PHACTR1: variants seen among roughly 807,000 people sequenced by gnomAD.
PHACTR1 encodes RPEL repeat containing 1.
In PHACTR1, 16 loss-of-function variants were observed where a neutral mutation model predicts 69.2. That is an observed-to-expected ratio of 0.23 (90% CI 0.16 to 0.35). The LOEUF is 0.35. Among genes scored for constraint, PHACTR1 ranks in the 10% least tolerant of loss-of-function variants. The probability of loss-of-function intolerance (pLI) is 1.00; values close to 1 mark genes in which losing one functional copy is unlikely to be tolerated. For synonymous variants in PHACTR1, 312 were observed against 284.5 expected (o/e 1.10, Z -0.97); for missense variants, 510 against 734.7 (o/e 0.69, Z 3.54).
intron 8 of PHACTR1, among the ~76,000 whole-genome samples, chr6:13,210,928 T>G: frequency 6.8e-6 from 1 of 147,638 alleles, no homozygotes. Context: ...TTTTTTTTTT[T>G]TTTTTGCATT....
At chr6:13,240,276 A>G (rs1156649241) in intron 10 of PHACTR1, among the ~76,000 whole-genome samples, 1 of 152,154 alleles carries the variant, frequency 6.6e-6, no homozygotes. Context: ...ATGAAGAGGA[A>G]GCTTCAAAGA....
chr6:12,761,088 C>T (rs1767971806), intron 4 of PHACTR1, among the ~76,000 whole-genome samples: 1 of 152,208 alleles, frequency 6.6e-6, no homozygotes, highest in African/African-American at 2.4e-5. Context: ...AATCATCTCT[C>T]TGAACCTCTG....
At chr6:13,249,821 AT>A (rs1774129334) in intron 10 of PHACTR1, among the ~76,000 whole-genome samples, 1 of 147,836 alleles carries the variant, frequency 6.8e-6, no homozygotes, top group Non-Finnish European at 1.5e-5. Context: ...AAAAAAAAGT[AT>A]GGTGACTAAA....
intron 5 of PHACTR1, among the ~76,000 whole-genome samples, chr6:13,080,936 T>C (rs955241747): frequency 5.9e-5 from 9 of 152,144 alleles, no homozygotes; most frequent in African/African-American, 2.2e-4. Flanking sequence ...CAGGCTAAGC[T>C]AAAAAGGAGA....
intron 5 of PHACTR1, among the ~76,000 whole-genome samples, chr6:13,140,918 T>C (rs1822337662): frequency 6.6e-6 from 1 of 152,168 alleles, no homozygotes; most frequent in African/African-American, 2.4e-5. Flanking sequence ...AGAAATTAAT[T>C]TATCTATTTA....
Position 12,943,190 on chromosome 6 carries a change from TAGAA to T in PHACTR1, c.251-110164_251-110161del, listed in dbSNP as rs553461708. On this transcript the variant is annotated intron_variant, in intron 4 of 14. Transcript: ENST00000332995. ...CATATAATGAAATATTATTCAGCCA[TAGAA>T]AGAAAGAAAGTACTGACATGTGTAC... Among the ~76,000 whole-genome samples, 18 of 152,280 alleles carry T rather than the reference TAGAA, an allele frequency of 1.2e-4. No homozygotes were observed. In the South Asian group the frequency reaches 3.1e-3, roughly 26 times the overall value.
At position 12,723,736 on chromosome 6, in the gene PHACTR1, C is replaced by A. The variant is rs538480986; in HGVS notation, c.103+4889C>A. On this transcript the variant is annotated intron_variant, in intron 3 of 14. Transcript: ENST00000332995. ...TCCTGGCCTCAAGCAGTCCTCCCAC[C>A]TCAGCCTCCCAAAATGCTGGGATTA... Among the ~76,000 whole-genome samples the A allele has an allele frequency of 8.5e-5, 13 of 152,236 alleles. No homozygotes were observed. In the East Asian group the frequency reaches 2.5e-3, roughly 29 times the overall value.
chr6:12,933,968 G>A (rs765653049), intron 4 of PHACTR1: 2 of 1,564,180 alleles, frequency 1.3e-6, no homozygotes, highest in East Asian at 2.3e-5. Context: ...TAGAGTTGCT[G>A]TAACAAAGTA....
chr6:12,932,285 C>T (rs922698414), intron 4 of PHACTR1, among the ~76,000 whole-genome samples: 2 of 152,094 alleles, frequency 1.3e-5, no homozygotes, highest in Non-Finnish European at 2.9e-5. Context: ...GTCCTAGAAT[C>T]CTAGTCTAGG....
chr6:13,272,234 C>T (rs1460712658), intron 10 of PHACTR1: 1 of 152,580 alleles, frequency 6.6e-6, no homozygotes, highest in Admixed American at 6.5e-5. Flanking sequence ...TCATTGCAGG[C>T]TCATGCCCTG....
At chr6:12,717,244 A>C (rs1761500550) in intron 1 of PHACTR1, among the ~76,000 whole-genome samples, 2 of 152,112 alleles carry the variant, frequency 1.3e-5, no homozygotes, top group African/African-American at 4.8e-5. Flanking sequence ...CCCCCACAAA[A>C]ATTTCTAGAC....
At chr6:12,776,606 T>A (rs1486597050) in intron 4 of PHACTR1, among the ~76,000 whole-genome samples, 2 of 152,242 alleles carry the variant, frequency 1.3e-5, no homozygotes, top group Non-Finnish European at 2.9e-5. Flanking sequence ...AGTACTCCAT[T>A]TTAATATTTG....
chr6:12,989,620 C>T (rs967422768), intron 4 of PHACTR1, among the ~76,000 whole-genome samples: 5 of 152,166 alleles, frequency 3.3e-5, no homozygotes, highest in South Asian at 4.1e-4. Flanking sequence ...ATCCAAAGTC[C>T]GGTGGTGACA....
intron 4 of PHACTR1, among the ~76,000 whole-genome samples, chr6:13,018,945 C>G (rs1800563565): frequency 6.6e-6 from 1 of 152,008 alleles, no homozygotes; most frequent in African/African-American, 2.4e-5. Flanking sequence ...GAGGCAAAAT[C>G]ATGGTTCAGG....
intron 6 of PHACTR1, among the ~76,000 whole-genome samples, chr6:13,171,579 G>A (rs1196870954): frequency 6.6e-6 from 1 of 152,192 alleles, no homozygotes; most frequent in Non-Finnish European, 1.5e-5. Flanking sequence ...CTAGCTACGT[G>A]TGGTGGTGGA....
chr6:13,064,200 C>T (rs930458042), intron 5 of PHACTR1, among the ~76,000 whole-genome samples: 3 of 151,800 alleles, frequency 2.0e-5, no homozygotes, highest in Non-Finnish European at 2.9e-5. Context: ...GGGAGATAGC[C>T]TAGACTAAAA....
chr6:13,005,175 ATC>A lies in PHACTR1; in HGVS notation c.251-48178_251-48177del, dbSNP rs1261119746. ...CTATGAACCTGAATGGGTTTTTAAA[ATC>A]TCTCTCTCTCTTTTTTCTTTCTTTT... On this transcript the variant is annotated intron_variant, in intron 4 of 14. Coordinates refer to ENST00000332995, the MANE Select transcript of PHACTR1 (RefSeq NM_030948.6). 3.3e-5 allele frequency among the ~76,000 whole-genome samples: 5 copies of A among 149,954 alleles called. No individual in the cohort carries two copies. The East Asian group carries it at 5.8e-4, about 18-fold the overall frequency.
intron 6 of PHACTR1, among the ~76,000 whole-genome samples, chr6:13,178,464 A>G (rs1203485609): frequency 6.6e-6 from 1 of 152,254 alleles, no homozygotes; most frequent in Non-Finnish European, 1.5e-5. Flanking sequence ...CAAAAGGAGC[A>G]CTAACATCAC....
Position 13,283,461 on chromosome 6 carries a change from A to T in PHACTR1, c.1549A>T (p.Lys517Ter). 6.2e-7 allele frequency: 1 copy of T among 1,613,908 alleles called. No individual in the cohort carries two copies. Among genetic ancestry groups the T allele is most frequent in the South Asian group, 1.1e-5 (1 of 91,080 alleles). Residue 517 changes from lysine to a stop codon, truncating the protein, a stop_gained, in exon 13 of 15, where the codon AAG becomes TAG. Transcript: ENST00000332995. LOFTEE classifies it high-confidence loss of function. This position sits in a 1 kb window ranked among gnomAD's most constrained non-coding sequence, Gnocchi z 4.7. ...CACGGTGGAAGAGCTTCGGGAAAGA[A>T]AGATCCTCATCCGCTTCAGTGACTA... ...RPTVEELRER[K>*]ILIRFSDYVE...
Sources: allele counts gnomAD v4.1 joint callset (sites outside exome capture counted in the v4.1 genomes callset), GRCh38; gene constraint gnomAD v4.1.1; non-coding constraint Gnocchi (gnomAD v3.1); transcripts MANE v1.5; gene names NCBI Gene and HGNC (gene_info 2026-07-23, HGNC 2026-07-21).